Variants in AGO3 observed in about 807,000 individuals in gnomAD.
The protein encoded by AGO3 is protein argonaute-3.
Under a neutral mutation model 105.5 loss-of-function variants are expected in AGO3, and 16 were observed. The observed-to-expected ratio is 0.15, with a 90% CI of 0.10 to 0.23. The LOEUF is 0.23. Among genes scored for constraint, AGO3 ranks in the 10% least tolerant of loss-of-function variants. AGO3 has a pLI of 1.00. For missense variants in AGO3, 534 were observed against 1,088.0 expected, an observed-to-expected ratio of 0.49 and a Z score of 7.16; for synonymous variants, 340 against 367.3, an observed-to-expected ratio of 0.93 and a Z score of 0.85.
At chr1:36,053,731 A>G (rs1327315420) in intron 17 of AGO3, among the ~76,000 whole-genome samples, 93 of 137,756 alleles carry the variant, frequency 6.8e-4, no homozygotes, top group Non-Finnish European at 2.5e-4. Flanking sequence ...GGTCCACACC[A>G]CCACACCTGG....
At chr1:36,041,217 C>T (rs1011607725) in intron 16 of AGO3, among the ~76,000 whole-genome samples, 1 of 149,656 alleles carries the variant, frequency 6.7e-6, no homozygotes, top group East Asian at 1.9e-4. Flanking sequence ...GGTATAAATA[C>T]CTAAGGAAAT....
chr1:35,979,084 G>T (rs1034315965), intron 5 of AGO3, among the ~76,000 whole-genome samples: 1 of 152,136 alleles, frequency 6.6e-6, no homozygotes, highest in Non-Finnish European at 1.5e-5. Flanking sequence ...GTTGTTTGTG[G>T]CTGGGCGCGG....
At chr1:35,994,662 T>C (rs113650770) in intron 5 of AGO3, among the ~76,000 whole-genome samples, 29 of 152,124 alleles carry the variant, frequency 1.9e-4, no homozygotes, top group Non-Finnish European at 4.0e-4. Flanking sequence ...TTATTAGAAT[T>C]AGTACATGAA....
At position 35,934,798 on chromosome 1, in the gene AGO3, G is replaced by A. The variant is rs532604465; in HGVS notation, c.19+3353G>A. 8.6e-4 allele frequency among the ~76,000 whole-genome samples: 130 copies of A among 151,968 alleles called. 1 individual carries two copies. Among genetic ancestry groups the A allele is most frequent in the African/African-American group, 3.1e-3 (128 of 41,462 alleles). On this transcript the variant is annotated intron_variant, in intron 1 of 18. Transcript: ENST00000373191. ...CCCGAGTAGATGGGATTACAGGCGCGCACCACCATGCCTGGCTAATTTTTT... is the reference window on the plus strand; with the variant it reads ...CCCGAGTAGATGGGATTACAGGCGCACACCACCATGCCTGGCTAATTTTTT...
At chr1:36,034,527 C>T (rs897505622) in intron 13 of AGO3, among the ~76,000 whole-genome samples, 194 bp downstream of exon 13, 6 of 152,018 alleles carry the variant, frequency 3.9e-5, no homozygotes, top group Admixed American at 3.9e-4. Flanking sequence ...AAAATGCCCC[C>T]CACAATTTTA....
At chr1:35,980,929 T>G (rs1647040883) in intron 5 of AGO3, among the ~76,000 whole-genome samples, 1 of 152,202 alleles carries the variant, frequency 6.6e-6, no homozygotes, top group Non-Finnish European at 1.5e-5. Flanking sequence ...GCCTTTGGTG[T>G]TGTATATTTT....
At chr1:36,046,086 T>C (rs1214467302) in intron 17 of AGO3, among the ~76,000 whole-genome samples, 1 of 152,170 alleles carries the variant, frequency 6.6e-6, no homozygotes, top group Non-Finnish European at 1.5e-5. Context: ...ACACCTACAC[T>C]GGGGTCCCCA....
Position 36,027,207 on chromosome 1 carries a change from C to G in AGO3, c.1500C>G (p.Asp500Glu). 1.2e-6 allele frequency: 2 copies of G among 1,614,230 alleles called. No homozygotes were observed. Among genetic ancestry groups the G allele is most frequent in the Non-Finnish European group, 1.7e-6 (2 of 1,180,036 alleles). ...TCTGCAAATATGCACAGGGGGCAGACAGCGTAGAGCCCATGTTCCGGCATC... is the reference window on the plus strand; with the variant it reads ...TCTGCAAATATGCACAGGGGGCAGAGAGCGTAGAGCCCATGTTCCGGCATC... ...PCFCKYAQGA[D>E]SVEPMFRHLK... The change falls in exon 12 of 19, where the codon GAC becomes GAG. Residue 500 changes from aspartate (D) to glutamate (E), a missense_variant. Transcript: ENST00000373191. This position sits in a 1 kb window ranked among gnomAD's most constrained non-coding sequence, Gnocchi z 4.0.
chr1:35,986,826 T>C (rs1201533160), intron 5 of AGO3, among the ~76,000 whole-genome samples: 1 of 150,944 alleles, frequency 6.6e-6, no homozygotes, highest in Non-Finnish European at 1.5e-5. Flanking sequence ...CTTAACCCTG[T>C]CTCTACTAAA....
At chr1:36,016,111 T>C (rs1640890237) in intron 11 of AGO3, among the ~76,000 whole-genome samples, 1 of 152,228 alleles carries the variant, frequency 6.6e-6, no homozygotes, top group African/African-American at 2.4e-5. Flanking sequence ...TTAGCTGTAA[T>C]TGATTGGCTA....
chr1:36,046,115 A>C (rs1276670305), intron 17 of AGO3, among the ~76,000 whole-genome samples: 1 of 152,170 alleles, frequency 6.6e-6, no homozygotes, highest in Non-Finnish European at 1.5e-5. Context: ...CTTAGGCACT[A>C]ATCCCATCTT....
Position 36,027,764 on chromosome 1 carries a change from G to A in AGO3, c.1591+466G>A, listed in dbSNP as rs986108994. 6.7e-6 allele frequency among the ~76,000 whole-genome samples: 1 copy of A among 149,638 alleles called. No homozygotes were observed. The highest frequency in any genetic ancestry group is 2.5e-5 in the African/African-American group (1 of 40,552). On this transcript the variant is annotated intron_variant, in intron 12 of 18. Transcript: ENST00000373191. The surrounding 1 kb of genome is among the most constrained non-coding windows in gnomAD (Gnocchi z 4.0). ...GGTGCACTCCAGCCTGGGCGACAGA[G>A]CGAAAGTCCGTCTCAAAAAAAAAAA...
chr1:36,032,551 A>T (rs1641826860), intron 12 of AGO3, among the ~76,000 whole-genome samples: 2 of 150,304 alleles, frequency 1.3e-5, no homozygotes, highest in South Asian at 4.2e-4. Context: ...CTGGCTAATT[A>T]AAAAAAAAAT....
chr1:36,040,051 G>C, intron 15 of AGO3, 67 bp downstream of exon 15: 1 of 1,470,438 alleles, frequency 6.8e-7, no homozygotes, highest in Non-Finnish European at 9.2e-7. Flanking sequence ...ATGGTGTCTA[G>C]TTCTAGAGTT....
Position 36,046,798 on chromosome 1 carries a change from G to A in AGO3, c.2274+3250G>A, listed in dbSNP as rs538392724. 7.9e-5 allele frequency among the ~76,000 whole-genome samples: 12 copies of A among 152,060 alleles called. No individual in the cohort carries two copies. In the East Asian group the frequency reaches 1.9e-3, roughly 25 times the overall value. On this transcript the variant is annotated intron_variant, in intron 17 of 18. Coordinates refer to ENST00000373191, the MANE Select transcript of AGO3 (RefSeq NM_024852.4). ...CTGCATATCAGGGAAACCATGTCTG[G>A]GCCACCCAGAACAGGCATAGCCCCA...
intron 5 of AGO3, among the ~76,000 whole-genome samples, chr1:36,003,710 AT>A (rs1350211256): frequency 0.1 from 7,865 of 78,574 alleles, 521 homozygotes; most frequent in East Asian, 0.44. Context: ...AAAAAAAAAA[AT>A]ATATATATAT....
chr1:35,999,206 T>C (rs1639975614), intron 5 of AGO3, among the ~76,000 whole-genome samples: 1 of 151,966 alleles, frequency 6.6e-6, no homozygotes. Flanking sequence ...ACAAAAAAAT[T>C]AGCTGAGCGT....
intron 5 of AGO3, among the ~76,000 whole-genome samples, chr1:35,996,499 A>G (rs1332199851): frequency 6.6e-6 from 1 of 152,082 alleles, no homozygotes; most frequent in African/African-American, 2.4e-5. Context: ...GGTCGGGCAC[A>G]GTGGCTCACA....
At chr1:35,934,960 T>A (rs1646122832) in intron 1 of AGO3, among the ~76,000 whole-genome samples, 1 of 152,234 alleles carries the variant, frequency 6.6e-6, no homozygotes, top group South Asian at 2.1e-4. Context: ...TGTCGTTATA[T>A]AAATTTTCTC....
Sources: allele counts gnomAD v4.1 joint callset (sites outside exome capture counted in the v4.1 genomes callset), GRCh38; gene constraint gnomAD v4.1.1; non-coding constraint Gnocchi (gnomAD v3.1); transcripts MANE v1.5; gene names NCBI Gene and HGNC (gene_info 2026-07-23, HGNC 2026-07-21).